The following SUGCT variants were observed in gnomAD, a reference collection of about 807,000 sequenced individuals.
The protein encoded by SUGCT is succinyl-CoA:glutarate-CoA transferase.
Under a neutral mutation model 55.0 loss-of-function variants are expected in SUGCT, and 41 were observed. The ratio of observed to expected loss-of-function variants is 0.74; its 90% CI spans 0.58 to 0.97. SUGCT has a LOEUF of 0.97. Ranked by LOEUF, SUGCT falls within the 50% of genes least tolerant of loss-of-function variation. The pLI is 0.00. For missense variants in SUGCT, 568 were observed against 547.8 expected, an observed-to-expected ratio of 1.04 and a Z score of -0.37; for synonymous variants, 187 against 200.4, an observed-to-expected ratio of 0.93 and a Z score of 0.56.
chr7:40,646,090 C>T (rs1584198471), intron 12 of SUGCT, among the ~76,000 whole-genome samples: 2 of 152,288 alleles, frequency 1.3e-5, no homozygotes, highest in African/African-American at 4.8e-5. Context: ...CAATGAATGA[C>T]CCCACCAGCC....
the SUGCT span, among the ~76,000 whole-genome samples, chr7:40,963,899 A>C: frequency 6.6e-6 from 1 of 152,170 alleles, no homozygotes; most frequent in Non-Finnish European, 1.5e-5. Context: ...CATTTATGTG[A>C]GGCTGACTTA....
chr7:40,135,579 A>G (rs1425508461), intron 1 of SUGCT, among the ~76,000 whole-genome samples: 1 of 152,256 alleles, frequency 6.6e-6, no homozygotes, highest in African/African-American at 2.4e-5. Flanking sequence ...TAGCTTTACT[A>G]CAGTGTTATA....
At chr7:40,191,991 C>A (rs931522376) in intron 5 of SUGCT, among the ~76,000 whole-genome samples, 20 of 151,706 alleles carry the variant, frequency 1.3e-4, no homozygotes, top group Admixed American at 6.6e-4. Flanking sequence ...GCCTGTAGTC[C>A]CAGCTACTTG....
intron 6 of SUGCT, among the ~76,000 whole-genome samples, chr7:40,218,816 C>T (rs769553621): frequency 6.6e-6 from 1 of 152,242 alleles, no homozygotes; most frequent in Middle Eastern, 3.4e-3. Context: ...TAAAAATGGA[C>T]CAGTCAGCAC....
chr7:40,550,430 A>C (rs181098213), intron 12 of SUGCT, among the ~76,000 whole-genome samples: 1 of 152,166 alleles, frequency 6.6e-6, no homozygotes, highest in Non-Finnish European at 1.5e-5. Context: ...TCTGACACCA[A>C]TTCTGCTCTA....
At chr7:40,565,987 A>ACGCGCG (rs1554368984) in intron 12 of SUGCT, among the ~76,000 whole-genome samples, 1 of 94,018 alleles carries the variant, frequency 1.1e-5, no homozygotes, top group African/African-American at 5.2e-5. Flanking sequence ...ACACACACAC[A>ACGCGCG]CACACGCACA....
chr7:40,747,063 G>A (rs577392978), intron 12 of SUGCT, among the ~76,000 whole-genome samples: 1 of 152,272 alleles, frequency 6.6e-6, no homozygotes, highest in Admixed American at 6.5e-5. Flanking sequence ...AAGCTGTGCG[G>A]GGCGGGTGCT....
At chr7:40,285,016 A>C (rs897407343) in intron 8 of SUGCT, among the ~76,000 whole-genome samples, 2 of 152,190 alleles carry the variant, frequency 1.3e-5, no homozygotes, top group African/African-American at 4.8e-5. Flanking sequence ...TATGATATGA[A>C]CTACAAATGA....
intron 7 of SUGCT, among the ~76,000 whole-genome samples, chr7:40,249,389 A>G (rs1790202920): frequency 7.0e-6 from 1 of 141,980 alleles, no homozygotes; most frequent in African/African-American, 2.6e-5. Context: ...TATTACATAT[A>G]ATATAATAAA....
chr7:40,898,654 G>A, the SUGCT span, among the ~76,000 whole-genome samples: 1 of 151,982 alleles, frequency 6.6e-6, no homozygotes, highest in Non-Finnish European at 1.5e-5. Flanking sequence ...AACCGTGGAG[G>A]CGGACCTTGC....
intron 9 of SUGCT, among the ~76,000 whole-genome samples, chr7:40,428,569 T>TA (rs1787723391): frequency 1.3e-5 from 2 of 151,276 alleles, no homozygotes; most frequent in Admixed American, 1.3e-4. Flanking sequence ...CTGTGGGCCT[T>TA]ATGTAAAACA....
chr7:40,325,898 C>CTTTTTTTTTTTTTTTTTTTTTTTTTTTT (rs71560191), intron 9 of SUGCT, among the ~76,000 whole-genome samples: 1 of 122,182 alleles, frequency 8.2e-6, no homozygotes, highest in African/African-American at 3.0e-5. Flanking sequence ...GGATGTGCGT[C>CTTTTTTTTTTTTTTTTTTTTTTTTTTTT]TTTTTTTTTT....
intron 12 of SUGCT, among the ~76,000 whole-genome samples, chr7:40,658,472 G>C (rs766671079): frequency 6.6e-6 from 1 of 152,080 alleles, no homozygotes; most frequent in Admixed American, 6.5e-5. Flanking sequence ...ATCTGTCCTG[G>C]CTCTGATTTC....
intron 12 of SUGCT, among the ~76,000 whole-genome samples, chr7:40,749,142 A>C (rs1787881256): frequency 6.6e-6 from 1 of 152,192 alleles, no homozygotes; most frequent in Non-Finnish European, 1.5e-5. Context: ...AATGAAAGAG[A>C]GGAAATCATC....
At chr7:40,695,499 AC>A (rs1056671879) in intron 12 of SUGCT, among the ~76,000 whole-genome samples, 4 of 152,052 alleles carry the variant, frequency 2.6e-5, no homozygotes, top group Non-Finnish European at 2.9e-5. Context: ...CCCAGCCCAA[AC>A]CCTTATTAAA....
At chr7:40,532,089 C>A (rs770321055) in intron 12 of SUGCT, among the ~76,000 whole-genome samples, 1 of 152,150 alleles carries the variant, frequency 6.6e-6, no homozygotes, top group Non-Finnish European at 1.5e-5. Flanking sequence ...GGGAACTAGC[C>A]TAAGGGGTGA....
intron 12 of SUGCT, among the ~76,000 whole-genome samples, chr7:40,700,465 A>G (rs1785127697): frequency 1.3e-5 from 2 of 152,176 alleles, no homozygotes; most frequent in South Asian, 4.1e-4. Flanking sequence ...CTCTTGTTTG[A>G]GTGACTTGGA....
At chr7:40,421,926 T>C (rs911634719) in intron 9 of SUGCT, among the ~76,000 whole-genome samples, 2 of 152,062 alleles carry the variant, frequency 1.3e-5, no homozygotes, top group Non-Finnish European at 2.9e-5. Context: ...CTTTGGGCCA[T>C]TTACCTTGCC....
Position 40,274,534 on chromosome 7 carries a change from G to A in SUGCT, c.598G>A (p.Gly200Arg). 4 of 1,613,440 alleles carry A rather than the reference G, an allele frequency of 2.5e-6. No individual in the cohort carries two copies. Among genetic ancestry groups the A allele is most frequent in the Non-Finnish European group, 3.4e-6 (4 of 1,179,698 alleles). ...TCAGAATGGAGATCCAGTTCGCCCAGGAGTAGCTATGACTGATCTTGCCAC... is the reference window on the plus strand; with the variant it reads ...TCAGAATGGAGATCCAGTTCGCCCAAGAGTAGCTATGACTGATCTTGCCAC... ...GPENGDPVRP[G>R]VAMTDLATGL... The change falls in exon 8 of 14, where the codon GGA (glycine) becomes AGA (arginine). Residue 200 changes from glycine to arginine, a missense_variant. Gly to Arg is a moderately radical substitution (Grantham distance 125, BLOSUM62 -2). Transcript: ENST00000335693.
Sources: allele counts gnomAD v4.1 joint callset (sites outside exome capture counted in the v4.1 genomes callset), GRCh38; gene constraint gnomAD v4.1.1; transcripts MANE v1.5; gene names NCBI Gene and HGNC (gene_info 2026-07-23, HGNC 2026-07-21).